Variants in GSE1 observed in about 807,000 individuals in gnomAD.
The protein encoded by GSE1 is Gse1 coiled-coil protein.
Under a neutral mutation model 112.6 loss-of-function variants are expected in GSE1, and 32 were observed. The ratio of observed to expected loss-of-function variants is 0.28; its 90% CI spans 0.21 to 0.38. The LOEUF (loss-of-function observed/expected upper bound fraction) is 0.38. Ranked by LOEUF, GSE1 falls within the 10% of genes least tolerant of loss-of-function variation. The pLI is 1.00. For missense variants in GSE1, 2,348 were observed against 1,699.2 expected, an observed-to-expected ratio of 1.38 and a Z score of -6.71; for synonymous variants, 1,115 against 735.6, an observed-to-expected ratio of 1.52 and a Z score of -8.35.
rs890505449 is a variant in GSE1 at position 85,368,510 on chromosome 16, A to G, written c.2464+10867A>G. 2.6e-5 allele frequency among the ~76,000 whole-genome samples: 4 copies of G among 151,568 alleles called. No homozygotes were observed. The South Asian group carries it at 8.3e-4, about 32-fold the overall frequency. On this transcript the variant is annotated intron_variant, in intron 2 of 2. Transcript: ENST00000637419. The stretch of plus-strand genomic sequence containing the variant: ...GCTTGAGCCCAGGAGTTGTAGATCA[A>G]CCTGGGCAAGATAATGAGACCACAT...
intron 2 of GSE1, among the ~76,000 whole-genome samples, chr16:85,469,503 G>A (rs550645895): frequency 6.6e-6 from 1 of 152,276 alleles, no homozygotes; most frequent in South Asian, 2.1e-4. Context: ...GCATTTCTTT[G>A]TTTTTAGTCA....
At chr16:85,313,979 AGTGTGTGTAT>A (rs1567682185) in intron 1 of GSE1, among the ~76,000 whole-genome samples, 12 of 141,218 alleles carry the variant, frequency 8.5e-5, no homozygotes, top group African/African-American at 2.7e-4. Flanking sequence ...GACACAGCCT[AGTGTGTGTAT>A]GTGTGTGTGT....
At chr16:85,180,668 A>G (rs1294630050) in intron 1 of GSE1, among the ~76,000 whole-genome samples, 1 of 152,178 alleles carries the variant, frequency 6.6e-6, no homozygotes, top group Non-Finnish European at 1.5e-5. Context: ...AAAGTCACAC[A>G]GTGGGGAAGT....
At chr16:85,655,280 T>G (rs1401607084) in intron 5 of GSE1, among the ~76,000 whole-genome samples, 3 of 152,208 alleles carry the variant, frequency 2.0e-5, no homozygotes, top group African/African-American at 7.2e-5. Context: ...AGAGCAGGGC[T>G]TTGCCCGTGG....
At position 85,277,180 on chromosome 16, in the gene GSE1, G is replaced by C. The variant is rs576798760; in HGVS notation, c.2284-80283G>C. ...GTGGAGTGGGGAGAAATAGAGGCGA[G>C]ACTGGGCAGGTGAGGTGGCGGTGGG... On this transcript the variant is annotated intron_variant, in intron 1 of 2. Coordinates refer to the GSE1 transcript ENST00000637419. Among the ~76,000 whole-genome samples, 95 of 152,316 alleles carry C rather than the reference G, an allele frequency of 6.2e-4. 1 individual carries two copies. The highest frequency in any genetic ancestry group is 3.8e-4 in the Non-Finnish European group (26 of 68,020).
chr16:85,508,132 C>A (rs141188077), intron 2 of GSE1, among the ~76,000 whole-genome samples: 1 of 152,204 alleles, frequency 6.6e-6, no homozygotes, highest in Non-Finnish European at 1.5e-5. Flanking sequence ...TCCTCGGGTT[C>A]AAGTGATTCT....
chr16:85,441,303 C>T (rs1032388043), intron 2 of GSE1, among the ~76,000 whole-genome samples: 2 of 152,098 alleles, frequency 1.3e-5, no homozygotes, highest in African/African-American at 2.4e-5. Context: ...GCCATTTGTC[C>T]GCTGGGGGGC....
At position 85,311,036 on chromosome 16, in the gene GSE1, G is replaced by A. The variant is rs973934519; in HGVS notation, c.2284-46427G>A. The stretch of plus-strand genomic sequence containing the variant: ...TAAACCCAGCCGCCTTTCCGCGGCC[G>A]TCAGCAATGGCCATGGCTCTGTCAA... On this transcript the variant is annotated intron_variant, in intron 1 of 2. Coordinates refer to the GSE1 transcript ENST00000637419. This position sits in a 1 kb window ranked among gnomAD's most constrained non-coding sequence, Gnocchi z 4.2. Among the ~76,000 whole-genome samples, 9 of 152,224 alleles carry A rather than the reference G, an allele frequency of 5.9e-5. No homozygotes were observed. The highest frequency in any genetic ancestry group is 2.6e-4 in the Admixed American group (4 of 15,284).
intron 1 of GSE1, among the ~76,000 whole-genome samples, chr16:85,577,820 C>G (rs1052718576): frequency 1.3e-5 from 2 of 152,248 alleles, no homozygotes; most frequent in Non-Finnish European, 2.9e-5. Flanking sequence ...TCCAGGTTTC[C>G]CCTTTTCCAC....
At chr16:85,469,638 C>A (rs754962058) in intron 2 of GSE1, among the ~76,000 whole-genome samples, 10 of 152,184 alleles carry the variant, frequency 6.6e-5, no homozygotes, top group Non-Finnish European at 1.0e-4. Flanking sequence ...GACTCTGAGG[C>A]CCCCAGTACT....
chr16:85,377,680 G>T (rs2047450203), intron 2 of GSE1, among the ~76,000 whole-genome samples: 1 of 152,246 alleles, frequency 6.6e-6, no homozygotes, highest in African/African-American at 2.4e-5. Context: ...TGGAGGTCCT[G>T]CAGGCAGGGG....
exon 1 of GSE1, chr16:85,171,662 G>A (rs1399375333): frequency 2.1e-5 from 21 of 985,540 alleles, no homozygotes; most frequent in South Asian, 1.4e-4. Context: ...TACACCCTGC[G>A]AGCAAGCCAC....
At chr16:85,517,851 C>T (rs148152150) in intron 2 of GSE1, among the ~76,000 whole-genome samples, 2 of 152,390 alleles carry the variant, frequency 1.3e-5, no homozygotes, top group Non-Finnish European at 2.9e-5. Flanking sequence ...CCGTGAAGAA[C>T]GACAAGCGGA....
At chr16:85,539,847 C>T (rs982409560) in intron 2 of GSE1, among the ~76,000 whole-genome samples, 5 of 152,206 alleles carry the variant, frequency 3.3e-5, no homozygotes, top group African/African-American at 9.6e-5. Context: ...CTACTGAGCT[C>T]CCATGTGGGC....
At chr16:85,346,522 T>C (rs531093280) in intron 1 of GSE1, among the ~76,000 whole-genome samples, 1 of 145,804 alleles carries the variant, frequency 6.9e-6, no homozygotes, top group South Asian at 2.2e-4. Flanking sequence ...GGATGGATGG[T>C]GGATGGGTGG....
rs1367644123 is a variant in GSE1, at chr16:85,304,600, G to GC, written c.2284-52862dup. On this transcript the variant is annotated intron_variant, in intron 1 of 2. Coordinates refer to the GSE1 transcript ENST00000637419. ...CTGCATGGCAGCTGCCAAGCCGGGG[G>GC]CGGGGGGGTGGGGCATCCCTTTTGC... Among the ~76,000 whole-genome samples the GC allele has an allele frequency of 3.3e-3, 366 of 112,178 alleles. 8 individuals carry two copies. The highest frequency in any genetic ancestry group is 0.012 in the African/African-American group (350 of 28,984). The allele number at this position is 112,178 out of a possible 152,430, so 73.6% of individuals were successfully genotyped here.
In GSE1 at chr16:85,641,564, C is replaced by T. The variant is rs998902622; in HGVS notation, c.227-6988C>T. Among the ~76,000 whole-genome samples, 40 of 152,262 alleles carry T rather than the reference C, an allele frequency of 2.6e-4. 1 individual carries two copies. Among genetic ancestry groups the T allele is most frequent in the Admixed American group, 2.4e-3 (36 of 15,288 alleles). On this transcript the variant is annotated intron_variant, in intron 2 of 15. Transcript: ENST00000253458. ...TGCTTCTCCCTGGAACGCAGGGGGT[C>T]GCGGCGTGACTTCAGCCTTGCGCTG...
At chr16:85,204,546 C>A (rs184805965) in intron 1 of GSE1, among the ~76,000 whole-genome samples, 24 of 152,330 alleles carry the variant, frequency 1.6e-4, no homozygotes, top group African/African-American at 5.8e-4. Context: ...GCTATTGTGT[C>A]TGAAGTTCCA....
Position 85,503,694 on chromosome 16 carries a change from C to A in GSE1, c.2465-130220C>A, listed in dbSNP as rs539981285. 5.9e-5 allele frequency among the ~76,000 whole-genome samples: 9 copies of A among 152,200 alleles called. No individual in the cohort carries two copies. The East Asian group carries it at 1.7e-3, about 29-fold the overall frequency. On this transcript the variant is annotated intron_variant, in intron 2 of 2. Coordinates refer to the GSE1 transcript ENST00000637419. ...TTCCTATCTGGACAGAAGTGTCACC[C>A]GAGGGAGAAAAAGGCAGTGTCGAAG...
Sources: gnomAD v4.1 joint callset for allele counts (sites outside exome capture counted in the v4.1 genomes callset) on GRCh38, gnomAD v4.1.1 for gene constraint, Gnocchi (gnomAD v3.1) non-coding constraint, MANE v1.5 for transcripts, NCBI Gene and HGNC (gene_info 2026-07-23, HGNC 2026-07-21) for gene names.